Variants in TEX101 observed in about 807,000 individuals in gnomAD.
TEX101 encodes the protein testis-expressed protein 101.
Under a neutral mutation model 18.1 loss-of-function variants are expected in TEX101, and 10 were observed. The ratio of observed to expected loss-of-function variants is 0.55; its 90% CI spans 0.34 to 0.94. TEX101 has a LOEUF of 0.94. Ranked by LOEUF, TEX101 falls within the 40% of genes least tolerant of loss-of-function variation. TEX101 has a pLI of 0.02. For missense variants in TEX101, 259 were observed against 298.9 expected (o/e 0.87, Z 0.98); for synonymous variants, 94 against 114.8 (o/e 0.82, Z 1.16).
At chr19:43,415,757 CT>C in intron 1 of TEX101, 123 bp from the exon 2 acceptor site, 1 of 803,836 alleles carries the variant, frequency 1.2e-6, no homozygotes. Flanking sequence ...AAGACTCCGT[CT>C]CAAAAAAAAA....
the TEX101 span, among the ~76,000 whole-genome samples, chr19:43,390,460 CTTTTTTTTTTT>C: frequency 2.0e-5 from 1 of 49,856 alleles, no homozygotes; most frequent in Non-Finnish European, 3.4e-5. Flanking sequence ...CTTTTTTTTT[CTTTTTTTTTTT>C]TTTTTTTTTT....
chr19:43,418,166 A>T lies in TEX101; in HGVS notation c.521-2A>T, dbSNP rs937813075. Reference sequence around the variant, plus strand: ...CTCTCCCGATCCTTCCTTGTTCTATAGGTGGCATTGAGTCGTCTGTGGAGG... The same window carrying T: ...CTCTCCCGATCCTTCCTTGTTCTATTGGTGGCATTGAGTCGTCTGTGGAGG... On this transcript the variant is annotated splice_acceptor_variant, in intron 5 of 5. Transcript: ENST00000598265. LOFTEE classifies it high-confidence loss of function. 1.2e-6 allele frequency: 2 copies of T among 1,614,004 alleles called. No individual in the cohort carries two copies. The highest frequency in any genetic ancestry group is 2.7e-5 in the African/African-American group (2 of 74,908).
chr19:43,394,910 C>A, the TEX101 span, among the ~76,000 whole-genome samples: 3 of 152,158 alleles, frequency 2.0e-5, no homozygotes, highest in Admixed American at 2.0e-4. Context: ...TTTTCCTCTA[C>A]CCACTTAGGT....
chr19:43,413,738 A>G (rs1970440556), upstream of TEX101, among the ~76,000 whole-genome samples: 1 of 151,834 alleles, frequency 6.6e-6, no homozygotes, highest in Admixed American at 6.6e-5. Flanking sequence ...AGATCACCTG[A>G]GGTTAGGAGT....
chr19:43,417,655 G>A (rs1203497265), intron 4 of TEX101, among the ~76,000 whole-genome samples: 1 of 152,234 alleles, frequency 6.6e-6, no homozygotes. Context: ...CAGGAACTAT[G>A]TCCTTTTCAT....
chr19:43,408,251 G>A (rs796819481), intron 3 of TEX101, among the ~76,000 whole-genome samples: 47 of 152,298 alleles, frequency 3.1e-4, no homozygotes, highest in African/African-American at 1.1e-3. Flanking sequence ...CGCCCCCGCA[G>A]CGTCCTGTTT....
chr19:43,399,631 GTT>G (rs1970302174), upstream of TEX101, among the ~76,000 whole-genome samples: 1 of 152,024 alleles, frequency 6.6e-6, no homozygotes, highest in Non-Finnish European at 1.5e-5. Flanking sequence ...TTGTGAGCTA[GTT>G]CCCTAGCAAC....
chr19:43,396,690 A>C (rs1391805350), upstream of TEX101, among the ~76,000 whole-genome samples: 5 of 152,190 alleles, frequency 3.3e-5, no homozygotes, highest in Admixed American at 6.5e-5. Context: ...GGAGTTTCCT[A>C]GAAGATGTGA....
chr19:43,414,639 A>G (rs1970451288), upstream of TEX101, among the ~76,000 whole-genome samples: 1 of 152,222 alleles, frequency 6.6e-6, no homozygotes, highest in African/African-American at 2.4e-5. Flanking sequence ...AGGCGAGGCC[A>G]TCTGGCAACG....
chr19:43,390,718 C>T, the TEX101 span, among the ~76,000 whole-genome samples: 33 of 151,960 alleles, frequency 2.2e-4, no homozygotes, highest in African/African-American at 6.3e-4. Context: ...CTGCCTGCCT[C>T]GACCTCCCAA....
chr19:43,415,656 G>A (rs10407680), intron 1 of TEX101, among the ~76,000 whole-genome samples: 38,849 of 151,666 alleles, frequency 0.26, 5,496 homozygotes, highest in East Asian at 0.59. Flanking sequence ...CCGGCTACTC[G>A]GGAGGCTGAG....
At chr19:43,398,539 C>T (rs569198408), upstream of TEX101, among the ~76,000 whole-genome samples, 15 of 152,020 alleles carry the variant, frequency 9.9e-5, no homozygotes, top group African/African-American at 3.1e-4. Flanking sequence ...GGATTATAGG[C>T]GTGAGCCATC....
the TEX101 span, among the ~76,000 whole-genome samples, chr19:43,390,533 T>A: frequency 1.5e-5 from 2 of 136,544 alleles, no homozygotes; most frequent in African/African-American, 5.5e-5. Context: ...AATGGCGTGA[T>A]CTCGGCTCAC....
chr19:43,417,707 G>A (rs1415626412), intron 4 of TEX101, among the ~76,000 whole-genome samples, 171 bp from the exon 5 acceptor site: 2 of 152,212 alleles, frequency 1.3e-5, no homozygotes, highest in Non-Finnish European at 2.9e-5. Flanking sequence ...AAGTCAGATC[G>A]ATGGAGATTT....
chr19:43,408,988 C>G (rs1317122999), intron 3 of TEX101, among the ~76,000 whole-genome samples: 1 of 152,166 alleles, frequency 6.6e-6, no homozygotes, highest in Non-Finnish European at 1.5e-5. Flanking sequence ...CAAGTTGAAG[C>G]GTAGATTTAC....
upstream of TEX101, among the ~76,000 whole-genome samples, chr19:43,412,376 A>T (rs1364468866): frequency 6.6e-6 from 1 of 152,054 alleles, no homozygotes; most frequent in Non-Finnish European, 1.5e-5. Context: ...TGCCCCCATA[A>T]CCCAAACACC....
upstream of TEX101, among the ~76,000 whole-genome samples, chr19:43,396,525 T>G (rs563794614): frequency 6.6e-6 from 1 of 152,222 alleles, no homozygotes; most frequent in African/African-American, 2.4e-5. Context: ...ACAACTGTCA[T>G]GTGTAACCCC....
Position 43,416,372 on chromosome 19 carries a change from G to C in TEX101, c.209-1G>C. The C allele has an allele frequency of 6.2e-7, 1 of 1,612,368 alleles. No individual in the cohort carries two copies. The highest frequency in any genetic ancestry group is 8.5e-7 in the Non-Finnish European group (1 of 1,178,894). ...TTCCCCTCCTTCCTGTCTCATAACAGGGACTGAGACAGCCATTTTGGCCAC... is the reference window on the plus strand; with the variant it reads ...TTCCCCTCCTTCCTGTCTCATAACACGGACTGAGACAGCCATTTTGGCCAC... On this transcript the variant is annotated splice_acceptor_variant, in intron 3 of 5. Transcript: ENST00000598265. LOFTEE classifies it high-confidence loss of function.
At chr19:43,398,796 C>A (rs1431794416), upstream of TEX101, among the ~76,000 whole-genome samples, 1 of 152,112 alleles carries the variant, frequency 6.6e-6, no homozygotes, top group Non-Finnish European at 1.5e-5. Flanking sequence ...GAGATTATAG[C>A]CAAATCCCAT....
Sources: allele counts gnomAD v4.1 joint callset (sites outside exome capture counted in the v4.1 genomes callset), GRCh38; gene constraint gnomAD v4.1.1; transcripts MANE v1.5; gene names NCBI Gene and HGNC (gene_info 2026-07-23, HGNC 2026-07-21).